PREX2: variants seen among roughly 807,000 people sequenced by gnomAD.
The protein encoded by PREX2 is phosphatidylinositol-3,4,5-trisphosphate dependent Rac exchange factor 2, also known as phosphatidylinositol 3,4,5-trisphosphate-dependent Rac exchanger 2 protein.
In PREX2, 107 loss-of-function variants were observed where a neutral mutation model predicts 203.2. That is an observed-to-expected ratio of 0.53 (90% CI 0.45 to 0.62). The LOEUF (loss-of-function observed/expected upper bound fraction) is 0.62. Ranked by LOEUF, PREX2 falls within the 20% of genes least tolerant of loss-of-function variation. The pLI is 0.00. For synonymous variants in PREX2, 672 were observed against 663.6 expected, an observed-to-expected ratio of 1.01 and a Z score of -0.19; for missense variants, 1,777 against 1,955.9, an observed-to-expected ratio of 0.91 and a Z score of 1.72.
At chr8:68,125,480 G>A (rs554072286) in intron 30 of PREX2, among the ~76,000 whole-genome samples, 2 of 152,196 alleles carry the variant, frequency 1.3e-5, no homozygotes, top group Admixed American at 6.6e-5. Flanking sequence ...TTCAAAAATT[G>A]TATCATTATA....
intron 7 of PREX2, among the ~76,000 whole-genome samples, chr8:68,040,064 G>A (rs1808149800): frequency 6.6e-6 from 1 of 152,032 alleles, no homozygotes; most frequent in Non-Finnish European, 1.5e-5. Context: ...TTGCTCTGTT[G>A]ACCAGGCAGG....
intron 1 of PREX2, among the ~76,000 whole-genome samples, chr8:68,002,024 T>G (rs1806951354): frequency 6.6e-6 from 1 of 151,290 alleles, no homozygotes; most frequent in Non-Finnish European, 1.5e-5. Context: ...GTAAAACAAA[T>G]CCTGTGACAC....
chr8:68,167,871 CT>C (rs1246607805), intron 35 of PREX2, among the ~76,000 whole-genome samples: 1 of 152,170 alleles, frequency 6.6e-6, no homozygotes, highest in African/African-American at 2.4e-5. Flanking sequence ...AACAAATCCC[CT>C]AAAGTGGTTC....
intron 34 of PREX2, among the ~76,000 whole-genome samples, chr8:68,153,644 G>T (rs912501894): frequency 7.9e-5 from 12 of 152,092 alleles, no homozygotes; most frequent in African/African-American, 2.9e-4. Context: ...GTCATTCTGG[G>T]TTTTTTATAA....
chr8:68,187,442 G>A (rs778809122), intron 35 of PREX2, among the ~76,000 whole-genome samples: 2 of 152,136 alleles, frequency 1.3e-5, no homozygotes, highest in African/African-American at 4.8e-5. Flanking sequence ...CCCACTGTGT[G>A]TACTTGAGTT....
intron 8 of PREX2, among the ~76,000 whole-genome samples, chr8:68,045,481 C>T (rs1808324559): frequency 6.6e-6 from 1 of 152,072 alleles, no homozygotes; most frequent in Admixed American, 6.6e-5. Context: ...TATAATCTGT[C>T]AGAAGCACAG....
intron 28 of PREX2, 90 bp downstream of exon 28, chr8:68,119,604 A>G: frequency 1.1e-6 from 1 of 890,460 alleles, no homozygotes; most frequent in Non-Finnish European, 1.9e-6. Context: ...TCAGAGTTAG[A>G]ACAGAAAGGC....
At chr8:68,166,527 G>A (rs1430786464) in intron 35 of PREX2, among the ~76,000 whole-genome samples, 1 of 152,122 alleles carries the variant, frequency 6.6e-6, no homozygotes, top group Non-Finnish European at 1.5e-5. Context: ...GGAAGAAAGG[G>A]GGATGGGGAG....
Position 68,115,876 on chromosome 8 carries a change from A to G in PREX2, c.3270A>G (p.Ala1090=). Residue 1090 remains alanine, a synonymous_variant, in exon 26 of 40, where the codon GCA becomes GCG. Transcript: ENST00000288368. Reference sequence around the variant, plus strand: ...GCAAACGGGTATGTTTTAATGTAGCAGGAGATGAACAGGAAGATTCTGGTC... The same window carrying G: ...GCAAACGGGTATGTTTTAATGTAGCGGGAGATGAACAGGAAGATTCTGGTC... ...RNSKRVCFNV[A]GDEQEDSGHD... The G allele has an allele frequency of 1.2e-6, 2 of 1,614,052 alleles. No homozygotes were observed. The highest frequency in any genetic ancestry group is 1.7e-6 in the Non-Finnish European group (2 of 1,179,948).
At chr8:68,192,651 A>G in intron 37 of PREX2, 126 bp downstream of exon 37, 1 of 693,446 alleles carries the variant, frequency 1.4e-6, no homozygotes. Context: ...TATTTGGAAT[A>G]AGATTTTGGA....
chr8:68,131,365 C>A (rs1256720245), intron 31 of PREX2, among the ~76,000 whole-genome samples: 1 of 152,202 alleles, frequency 6.6e-6, no homozygotes, highest in Non-Finnish European at 1.5e-5. Flanking sequence ...TTCATCTACT[C>A]TCTGCTGAAA....
chr8:67,961,733 A>T (rs903433130), intron 1 of PREX2, among the ~76,000 whole-genome samples: 1 of 152,196 alleles, frequency 6.6e-6, no homozygotes, highest in Admixed American at 6.5e-5. Context: ...TGAAGTTATG[A>T]TTTTTAAGCA....
chr8:68,212,260 G>A (rs1812755224), intron 37 of PREX2, among the ~76,000 whole-genome samples: 4 of 152,118 alleles, frequency 2.6e-5, no homozygotes, highest in African/African-American at 2.4e-5. Flanking sequence ...TACACCCTTC[G>A]CTAGTACCAT....
At position 68,063,683 on chromosome 8, in the gene PREX2, G is replaced by T. The variant is rs144644360; in HGVS notation, c.1339+2904G>T. 3.4e-3 allele frequency among the ~76,000 whole-genome samples: 518 copies of T among 152,232 alleles called. 6 individuals are homozygous for T. Among genetic ancestry groups the T allele is most frequent in the African/African-American group, 0.012 (504 of 41,538 alleles). On this transcript the variant is annotated intron_variant, in intron 11 of 39. Transcript: ENST00000288368. Reference sequence around the variant, plus strand: ...ATGACTTATCCCATCCTATCCTAGCGTATTTCTGCCTTTCTAGAAGGAAGT... The same window carrying T: ...ATGACTTATCCCATCCTATCCTAGCTTATTTCTGCCTTTCTAGAAGGAAGT...
At chr8:67,959,061 G>T (rs1399669452) in intron 1 of PREX2, among the ~76,000 whole-genome samples, 1 of 152,190 alleles carries the variant, frequency 6.6e-6, no homozygotes, top group African/African-American at 2.4e-5. Context: ...ATTAGAGGAA[G>T]AAAATACACA....
Position 68,118,888 on chromosome 8 carries a change from C to T in PREX2, c.3421+244C>T, listed in dbSNP as rs190921088. The T allele has an allele frequency of 3.0e-4, 191 of 633,842 alleles. 2 individuals carry two copies. In the East Asian group the frequency reaches 6.1e-3, roughly 20 times the overall value. 39.3% of individuals were successfully genotyped at this position (633,842 alleles called of 1,614,324 possible). On this transcript the variant is annotated intron_variant, in intron 27 of 39. Coordinates refer to ENST00000288368, the MANE Select transcript of PREX2 (RefSeq NM_024870.4). ...ACTAATTGTAATCTTCAGATATGCT[C>T]CATTATCTCTGTATGGTTCTATGAA... is the stretch of plus-strand genomic sequence containing the variant.
intron 1 of PREX2, among the ~76,000 whole-genome samples, chr8:67,984,378 T>G (rs1806355446): frequency 6.6e-6 from 1 of 152,174 alleles, no homozygotes; most frequent in South Asian, 2.1e-4. Context: ...GAACTGTGCT[T>G]TTTGAATTGA....
At chr8:68,003,774 A>G (rs1384539127) in intron 1 of PREX2, among the ~76,000 whole-genome samples, 2 of 151,036 alleles carry the variant, frequency 1.3e-5, no homozygotes, top group African/African-American at 4.9e-5. Context: ...GAAACTTTGG[A>G]TATCAGATTT....
chr8:68,209,932 ATTC>A (rs1307650098), intron 37 of PREX2, among the ~76,000 whole-genome samples: 1 of 152,164 alleles, frequency 6.6e-6, no homozygotes, highest in Non-Finnish European at 1.5e-5. Flanking sequence ...CTAACAGGAA[ATTC>A]TTCTGCTAAT....
Sources: gnomAD v4.1 joint callset for allele counts (sites outside exome capture counted in the v4.1 genomes callset) on GRCh38, gnomAD v4.1.1 for gene constraint, MANE v1.5 for transcripts, NCBI Gene and HGNC (gene_info 2026-07-23, HGNC 2026-07-21) for gene names.